The following FGFR4 variants were observed in gnomAD, a reference collection of about 807,000 sequenced individuals.
FGFR4 encodes fibroblast growth factor receptor 4.
Under a neutral mutation model 89.9 loss-of-function variants are expected in FGFR4, and 63 were observed. That is an observed-to-expected ratio of 0.70 (90% CI 0.57 to 0.86). The LOEUF is 0.86. FGFR4 is among the 40% of genes least tolerant of loss of function. The pLI is 0.00. For synonymous variants in FGFR4, 486 were observed against 479.4 expected (o/e 1.01, Z -0.18); for missense variants, 928 against 1,106.7 (o/e 0.84, Z 2.29).
Position 177,089,656 on chromosome 5 carries a change from A to G in FGFR4, c.54A>G (p.Pro18=), listed in dbSNP as rs369319378. The G allele has an allele frequency of 5.0e-6, 8 of 1,613,828 alleles. No individual in the cohort carries two copies. In the African/African-American group the frequency reaches 9.4e-5, roughly 19 times the overall value. ...TCCTGCTGAGTGTGCCTGGGCCTCC[A>G]GTCTTGTCCCTGGAGGCCTCTGAGG... ...LGVLLSVPGP[P]VLSLEASEEV... Residue 18 remains proline, a synonymous_variant, in exon 2 of 18, where the codon CCA becomes CCG. Transcript: ENST00000292408.
chr5:177,096,028 T>G, intron 13 of FGFR4, 29 bp from the exon 14 acceptor site: 1 of 1,605,724 alleles, frequency 6.2e-7, no homozygotes, highest in Non-Finnish European at 8.5e-7. Flanking sequence ...CCAGGTGTCC[T>G]GAGGCACCCA....
At chr5:177,091,856 A>G (rs1172536316) in intron 6 of FGFR4, 48 bp downstream of exon 6, 3 of 1,607,724 alleles carry the variant, frequency 1.9e-6, no homozygotes, top group Non-Finnish European at 2.6e-6. Context: ...TTTTGGGCTC[A>G]GTTGTGCCCT....
chr5:177,093,580 G>T lies in FGFR4; in HGVS notation c.1397+29G>T. 2 of 1,612,314 alleles carry T rather than the reference G, an allele frequency of 1.2e-6. No individual in the cohort carries two copies. Among genetic ancestry groups the T allele is most frequent in the Non-Finnish European group, 1.7e-6 (2 of 1,178,638 alleles). The stretch of plus-strand genomic sequence containing the variant: ...CGCTGAGCTGTGTGGGGGCAGGGAC[G>T]CGGGCGCCGGGTTGCAGCCCGCCCT... On this transcript the variant is annotated intron_variant, in intron 10 of 17. Coordinates refer to ENST00000292408, the MANE Select transcript of FGFR4 (RefSeq NM_213647.3). This position sits in a 1 kb window ranked among gnomAD's most constrained non-coding sequence, Gnocchi z 5.8.
At chr5:177,091,136 C>G in intron 5 of FGFR4, 32 bp downstream of exon 5, 1 of 1,511,318 alleles carries the variant, frequency 6.6e-7, no homozygotes, top group Non-Finnish European at 8.9e-7. Flanking sequence ...CCGTCTGCTC[C>G]CCCATTTTCA....
In FGFR4 at chr5:177,095,976, G is replaced by GC. The variant is rs1784545302; in HGVS notation, c.1822-76dup. 2.0e-6 allele frequency: 3 copies of GC among 1,532,494 alleles called. No homozygotes were observed. Among genetic ancestry groups the GC allele is most frequent in the Non-Finnish European group, 2.6e-6 (3 of 1,139,132 alleles). 94.9% of individuals were successfully genotyped at this position (1,532,494 alleles called of 1,614,324 possible). On this transcript the variant is annotated intron_variant, in intron 13 of 17. Coordinates refer to ENST00000292408, the MANE Select transcript of FGFR4 (RefSeq NM_213647.3). The surrounding 1 kb of genome is among the most constrained non-coding windows in gnomAD (Gnocchi z 5.7). ...TCTGTAAAGTGGGTGGAGGGCCCCT[G>GC]CCCCCGGGCCTGCTGGGGGGTGGTG... is the stretch of plus-strand genomic sequence containing the variant.
Position 177,091,070 on chromosome 5 carries a change from C to G in FGFR4, c.569C>G (p.Ala190Gly), listed in dbSNP as rs751043027. 2.5e-6 allele frequency: 4 copies of G among 1,597,874 alleles called. No individual in the cohort carries two copies. Among genetic ancestry groups the G allele is most frequent in the South Asian group, 1.1e-5 (1 of 90,470 alleles). ...PTIRWLKDGQ[A>G]FHGENRIGGI... is the part of the protein sequence containing the mutation. ...ATCCGCTGGCTTAAGGATGGACAGG[C>G]CTTTCATGGGGAGAACCGCATTGGA... The change falls in exon 5 of 18, where the codon GCC (alanine) becomes GGC (glycine). Residue 190 changes from alanine (A) to glycine (G), a missense_variant. Around this residue, in one of 5 missense-constraint regions of FGFR4, gnomAD observed 741 missense variants for 836.9 expected, o/e 0.89. Coordinates refer to ENST00000292408, the MANE Select transcript of FGFR4 (RefSeq NM_213647.3).
chr5:177,089,877 GTGTC>G lies in FGFR4; in HGVS notation c.91+187_91+190del, dbSNP rs1562065404. 3 of 829,022 alleles carry G rather than the reference GTGTC, an allele frequency of 3.6e-6. No individual in the cohort carries two copies. In the South Asian group the frequency reaches 4.3e-5, roughly 12 times the overall value. 51.4% of individuals were successfully genotyped at this position (829,022 alleles called of 1,614,324 possible). A position where few individuals can be genotyped will look rare whatever the true frequency, so the allele number is the denominator to read the frequency against. On this transcript the variant is annotated intron_variant, in intron 2 of 17. Transcript: ENST00000292408. ...TTCCAGCAAGCATTCATCTATCACT[GTGTC>G]TGCGAGAGAGGACTGGCCTTGCAGG...
chr5:177,095,596 G>A lies in FGFR4; in HGVS notation c.1694G>A (p.Arg565Gln), dbSNP rs200766146. The change falls in exon 13 of 18, where the codon CGG becomes CAG. Residue 565 changes from arginine to glutamine, a missense_variant. Transcript: ENST00000292408. This position sits in a 1 kb window ranked among gnomAD's most constrained non-coding sequence, Gnocchi z 5.7. ...AACCTGCGGGAGTTCCTGCGGGCCC[G>A]GCGCCCCCCAGGCCCCGACCTCAGC... Reference protein sequence around the residue: ...KGNLREFLRARRPPGPDLSPD... With the variant: ...KGNLREFLRAQRPPGPDLSPD... 3.4e-5 allele frequency: 55 copies of A among 1,606,322 alleles called. No individual in the cohort carries two copies. The highest frequency in any genetic ancestry group is 3.2e-5 in the Non-Finnish European group (38 of 1,177,360).
intron 2 of FGFR4, 134 bp downstream of exon 2, chr5:177,089,827 C>A: frequency 9.2e-7 from 1 of 1,090,250 alleles, no homozygotes. Flanking sequence ...AGGGCTCAAC[C>A]ACTGAGACTC....
At position 177,091,860 on chromosome 5, in the gene FGFR4, G is replaced by A. The variant is rs754382817; in HGVS notation, c.727+52G>A. On this transcript the variant is annotated intron_variant, in intron 6 of 17. Transcript: ENST00000292408. ...GGCCTGACCCATTTTGGGCTCAGTTGTGCCCTCTTGGTGGGGTCTAGTCTG... is the reference window on the plus strand; with the variant it reads ...GGCCTGACCCATTTTGGGCTCAGTTATGCCCTCTTGGTGGGGTCTAGTCTG... 17 of 1,607,028 alleles carry A rather than the reference G, an allele frequency of 1.1e-5. No individual in the cohort carries two copies. In the South Asian group the frequency reaches 1.1e-4, roughly 10 times the overall value.
chr5:177,091,588 A>G, intron 5 of FGFR4, 97 bp from the exon 6 acceptor site: 1 of 1,522,414 alleles, frequency 6.6e-7, no homozygotes, highest in Non-Finnish European at 8.9e-7. Flanking sequence ...AGAGCTTGAC[A>G]AGAGCCCTGT....
intron 15 of FGFR4, 63 bp downstream of exon 15, chr5:177,096,420 C>A (rs1562076528): frequency 1.3e-6 from 2 of 1,597,754 alleles, no homozygotes; most frequent in South Asian, 2.2e-5. Flanking sequence ...CCCAAAGTCA[C>A]GTGGCCCCAG....
In FGFR4 at chr5:177,091,046, T is replaced by C; in HGVS notation, c.545T>C (p.Ile182Thr). The part of the protein sequence containing the change: ...CPAAGNPTPT[I>T]RWLKDGQAFH... ...GCTGCAGGCAACCCCACGCCCACCA[T>C]CCGCTGGCTTAAGGATGGACAGGCC... The change falls in exon 5 of 18, where the codon ATC (isoleucine) becomes ACC (threonine). Residue 182 changes from isoleucine (I) to threonine (T), a missense_variant. Ile to Thr is a moderately conservative substitution (Grantham distance 89). This residue lies in a region of FGFR4 where 741 missense variants were observed against 836.9 expected (regional missense o/e 0.89). Transcript: ENST00000292408. 1 of 1,607,844 alleles carries C rather than the reference T, an allele frequency of 6.2e-7. No individual in the cohort carries two copies. Among genetic ancestry groups the C allele is most frequent in the Non-Finnish European group, 8.5e-7 (1 of 1,174,858 alleles).
chr5:177,091,167 T>TA, intron 5 of FGFR4, 63 bp downstream of exon 5: 1 of 1,477,934 alleles, frequency 6.8e-7, no homozygotes, highest in Non-Finnish European at 9.1e-7. Context: ...AGTCCCCTCA[T>TA]ACCTACAAGC....
intron 5 of FGFR4, 99 bp from the exon 6 acceptor site, chr5:177,091,586 A>T: frequency 6.6e-7 from 1 of 1,514,978 alleles, no homozygotes; most frequent in South Asian, 1.2e-5. Flanking sequence ...AGAGAGCTTG[A>T]CAAGAGCCCT....
intron 11 of FGFR4, among the ~76,000 whole-genome samples, chr5:177,094,356 AT>A (rs1407056813): frequency 6.6e-6 from 1 of 152,118 alleles, no homozygotes; most frequent in Admixed American, 6.5e-5. Context: ...GGCTCAATAA[AT>A]CTTCACCACT....
At chr5:177,097,492 GC>G (rs1418310256) in intron 17 of FGFR4, 34 bp from the exon 18 acceptor site, 12 of 1,605,768 alleles carry the variant, frequency 7.5e-6, no homozygotes, top group Non-Finnish European at 1.0e-5. Flanking sequence ...CCCATCCCGG[GC>G]GCTGCAGAGG....
rs1784575834 is a variant in FGFR4, at chr5:177,096,667, C to A, written c.2079C>A (p.Ile693=). 6.2e-7 allele frequency: 1 copy of A among 1,611,758 alleles called. No individual in the cohort carries two copies. Among genetic ancestry groups the A allele is most frequent in the Non-Finnish European group, 8.5e-7 (1 of 1,178,938 alleles). ...TCGGGGGCTCCCCGTATCCTGGCAT[C>A]CCGGTGGAGGAGCTGTTCTCGCTGC... The part of the protein sequence containing the change: ...FTLGGSPYPG[I]PVEELFSLLR... Residue 693 remains isoleucine, a synonymous_variant, in exon 16 of 18, where the codon ATC becomes ATA. Transcript: ENST00000292408.
At chr5:177,096,438 G>GCGCT in intron 15 of FGFR4, 81 bp downstream of exon 15, 1 of 1,562,622 alleles carries the variant, frequency 6.4e-7, no homozygotes, top group Non-Finnish European at 8.8e-7. Context: ...CAGGAGTCAT[G>GCGCT]CGCTCGAGGG....
Sources: gnomAD v4.1 joint callset for allele counts (sites outside exome capture counted in the v4.1 genomes callset) on GRCh38, gnomAD v4.1.1 for gene constraint, gnomAD v4.1.1 regional missense constraint, Gnocchi (gnomAD v3.1) non-coding constraint, MANE v1.5 for transcripts, NCBI Gene and HGNC (gene_info 2026-07-23, HGNC 2026-07-21) for gene names.